LARGE1: variants seen among roughly 807,000 people sequenced by gnomAD.
LARGE1 encodes LARGE xylosyl- and glucuronyltransferase 1, also known as xylosyl- and glucuronyltransferase LARGE1.
A neutral mutation model predicts 87.6 loss-of-function variants in LARGE1; 43 were observed. The ratio of observed to expected loss-of-function variants is 0.49; its 90% CI spans 0.38 to 0.63. LARGE1 has a LOEUF of 0.63. Among genes scored for constraint, LARGE1 ranks in the 30% least tolerant of loss-of-function variants. The probability of loss-of-function intolerance (pLI) is 0.00; values close to 1 mark genes in which losing one functional copy is unlikely to be tolerated. For missense variants in LARGE1, 802 were observed against 1,000.2 expected (o/e 0.80, Z 2.67); for synonymous variants, 434 against 394.6 (o/e 1.10, Z -1.18).
intron 5 of LARGE1, among the ~76,000 whole-genome samples, chr22:33,566,606 G>A (rs149312714): frequency 6.6e-6 from 1 of 152,198 alleles, no homozygotes; most frequent in African/African-American, 2.4e-5. Flanking sequence ...AAGAGCGAAA[G>A]AACAAAGCTT....
intron 1 of LARGE1, among the ~76,000 whole-genome samples, chr22:33,866,783 C>G (rs1236431523): frequency 6.6e-6 from 1 of 152,072 alleles, no homozygotes; most frequent in Admixed American, 6.6e-5. Flanking sequence ...CTCCCACAGG[C>G]CCAAACATAG....
chr22:33,217,546 C>A (rs1342364856), intron 11 of LARGE1, among the ~76,000 whole-genome samples: 1 of 152,122 alleles, frequency 6.6e-6, no homozygotes, highest in Non-Finnish European at 1.5e-5. Context: ...TTTAAATATT[C>A]ACTATATTAT....
At chr22:33,388,429 T>C (rs1367397988) in intron 7 of LARGE1, among the ~76,000 whole-genome samples, 1 of 152,256 alleles carries the variant, frequency 6.6e-6, no homozygotes, top group African/African-American at 2.4e-5. Flanking sequence ...CCACAGATTC[T>C]AAATTTAAAA....
chr22:33,691,996 GT>G (rs1282535303), intron 2 of LARGE1, among the ~76,000 whole-genome samples: 26 of 152,114 alleles, frequency 1.7e-4, no homozygotes, highest in African/African-American at 5.8e-4. Context: ...AAAATAAAAT[GT>G]TTTGTGCCAA....
chr22:33,718,949 C>T (rs1277708898), intron 2 of LARGE1, among the ~76,000 whole-genome samples: 1 of 152,092 alleles, frequency 6.6e-6, no homozygotes, highest in Non-Finnish European at 1.5e-5. Flanking sequence ...CACCACCACA[C>T]AGCTATTTTT....
chr22:33,669,669 G>A (rs557766096), intron 2 of LARGE1, among the ~76,000 whole-genome samples: 1 of 152,320 alleles, frequency 6.6e-6, no homozygotes, highest in South Asian at 2.1e-4. Context: ...TGCTCCCTGT[G>A]ACTGGAGCTG....
the LARGE1 span, among the ~76,000 whole-genome samples, chr22:33,128,680 C>CAAAAAAAAAAAAAAAA: frequency 7.3e-5 from 8 of 110,296 alleles, no homozygotes; most frequent in African/African-American, 1.1e-4. Flanking sequence ...GTCTCAAAAA[C>CAAAAAAAAAAAAAAAA]AAAAAAAAAA....
At position 33,615,262 on chromosome 22, in the gene LARGE1, A is replaced by C. The variant is rs569281805; in HGVS notation, c.492-10704T>G. The stretch of plus-strand genomic sequence containing the variant: ...TGATTGTTTAAGGAAAGAATGAATA[A>C]ATGAACACATGAATAATTACCAAAA... On this transcript the variant is annotated intron_variant, in intron 4 of 14. Transcript: ENST00000397394. 2.0e-5 allele frequency among the ~76,000 whole-genome samples: 3 copies of C among 152,288 alleles called. No individual in the cohort carries two copies. The East Asian group carries it at 5.8e-4, about 29-fold the overall frequency.
chr22:33,636,529 A>G (rs2080271959), intron 3 of LARGE1, among the ~76,000 whole-genome samples: 1 of 152,248 alleles, frequency 6.6e-6, no homozygotes, highest in South Asian at 2.1e-4. Flanking sequence ...GAGGAGTAAT[A>G]AATGTGTCAA....
exon 12 of LARGE1, chr22:33,162,732 TA>T (rs1357734616): frequency 6.6e-6 from 1 of 152,228 alleles, no homozygotes; most frequent in Non-Finnish European, 1.5e-5. Context: ...GGAAATATTC[TA>T]AAATTGAATT....
At chr22:33,883,079 C>T (rs2064744578) in intron 1 of LARGE1, among the ~76,000 whole-genome samples, 1 of 152,156 alleles carries the variant, frequency 6.6e-6, no homozygotes, top group Non-Finnish European at 1.5e-5. Flanking sequence ...GCTCGGATGC[C>T]AATGCCGGAG....
At chr22:33,127,225 G>A in the LARGE1 span, among the ~76,000 whole-genome samples, 1 of 152,220 alleles carries the variant, frequency 6.6e-6, no homozygotes, top group Non-Finnish European at 1.5e-5. Flanking sequence ...CACTGCTCCA[G>A]TGGGGCTGCC....
rs560976705 is a variant in LARGE1 at position 33,741,252 on chromosome 22, T to G, written c.106+20119A>C. 1.2e-4 allele frequency among the ~76,000 whole-genome samples: 19 copies of G among 152,326 alleles called. No individual in the cohort carries two copies. The East Asian group carries it at 2.5e-3, about 20-fold the overall frequency. On this transcript the variant is annotated intron_variant, in intron 2 of 14. Transcript: ENST00000397394. The stretch of plus-strand genomic sequence containing the variant: ...ATTACAGTCTTGACAATAGCTCACC[T>G]GATACATCATGCAATAACAAGCTCC...
In LARGE1 at chr22:33,781,946, C is replaced by CAT. The variant is rs200628014; in HGVS notation, c.-82-20390_-82-20389dup. The stretch of plus-strand genomic sequence containing the variant: ...AAATCAATGTGTGTGTGTGTATATA[C>CAT]ATATATATATATACACACACACAGA... On this transcript the variant is annotated intron_variant, in intron 1 of 14. Transcript: ENST00000397394. Among the ~76,000 whole-genome samples, 20 of 151,072 alleles carry CAT rather than the reference C, an allele frequency of 1.3e-4. 1 individual carries two copies. Among genetic ancestry groups the CAT allele is most frequent in the South Asian group, 1.3e-3 (6 of 4,784 alleles).
intron 6 of LARGE1, among the ~76,000 whole-genome samples, chr22:33,564,291 TC>T (rs2077955053): frequency 6.6e-6 from 1 of 152,046 alleles, no homozygotes; most frequent in Admixed American, 6.5e-5. Flanking sequence ...GCTCACAATT[TC>T]CCCCTAGGTA....
chr22:33,236,720 G>T (rs1926268204), intron 11 of LARGE1, among the ~76,000 whole-genome samples: 1 of 152,184 alleles, frequency 6.6e-6, no homozygotes, highest in South Asian at 2.1e-4. Flanking sequence ...GGATGCTGCT[G>T]CTCCTCTCCA....
At chr22:33,074,951 A>T in the LARGE1 span, among the ~76,000 whole-genome samples, 1 of 152,228 alleles carries the variant, frequency 6.6e-6, no homozygotes, top group Non-Finnish European at 1.5e-5. Flanking sequence ...GGCATGTGAT[A>T]GTTATTCATA....
chr22:33,424,001 T>A (rs1225237949), intron 7 of LARGE1, among the ~76,000 whole-genome samples: 3 of 152,172 alleles, frequency 2.0e-5, no homozygotes, highest in Admixed American at 6.5e-5. Context: ...AGCTTCTCAG[T>A]TGAACTCAAG....
At chr22:33,584,116 T>C (rs1325367519) in intron 5 of LARGE1, among the ~76,000 whole-genome samples, 1 of 152,206 alleles carries the variant, frequency 6.6e-6, no homozygotes, top group Non-Finnish European at 1.5e-5. Context: ...TTTCTTTCCT[T>C]TCTAATAGAA....
Sources: gnomAD v4.1 joint callset for allele counts (sites outside exome capture counted in the v4.1 genomes callset) on GRCh38, gnomAD v4.1.1 for gene constraint, MANE v1.5 for transcripts, NCBI Gene and HGNC (gene_info 2026-07-23, HGNC 2026-07-21) for gene names.